Variants in DEF6 observed in about 807,000 individuals in gnomAD.
DEF6 encodes DEF6 guanine nucleotide exchange factor, also known as differentially expressed in FDCP 6 homolog.
In DEF6, 32 loss-of-function variants were observed where a neutral mutation model predicts 80.5. The ratio of observed to expected loss-of-function variants is 0.40; its 90% CI spans 0.30 to 0.53. The LOEUF is 0.53. Ranked by LOEUF, DEF6 falls within the 20% of genes least tolerant of loss-of-function variation. DEF6 has a pLI of 0.57. For synonymous variants in DEF6, 300 were observed against 337.9 expected (o/e 0.89, Z 1.23); for missense variants, 575 against 818.7 (o/e 0.70, Z 3.63).
At chr6:35,307,011 G>A (rs1006575397) in intron 1 of DEF6, among the ~76,000 whole-genome samples, 3 of 152,230 alleles carry the variant, frequency 2.0e-5, no homozygotes, top group African/African-American at 7.2e-5. Flanking sequence ...TACTGGAAGA[G>A]CCTCAGTTTG....
At chr6:35,317,724 T>G in intron 5 of DEF6, 167 bp from the exon 6 acceptor site, 1 of 546,232 alleles carries the variant, frequency 1.8e-6, no homozygotes, top group African/African-American at 1.9e-5. Flanking sequence ...TTGTGGGGAC[T>G]TAAGTCCCCC....
chr6:35,314,265 G>A (rs1043536947), intron 5 of DEF6, among the ~76,000 whole-genome samples: 2 of 151,938 alleles, frequency 1.3e-5, no homozygotes, highest in African/African-American at 2.4e-5. Context: ...AAAATCAGCC[G>A]GGCATGGTGG....
intron 10 of DEF6, 57 bp downstream of exon 10, chr6:35,321,031 G>A: frequency 6.3e-7 from 1 of 1,596,340 alleles, no homozygotes; most frequent in Middle Eastern, 1.8e-4. Flanking sequence ...AAAGGAGGGA[G>A]AAAGGTCTCC....
At chr6:35,299,370 T>C (rs533327936) in intron 1 of DEF6, among the ~76,000 whole-genome samples, 3 of 145,724 alleles carry the variant, frequency 2.1e-5, no homozygotes, top group African/African-American at 7.4e-5. Context: ...TGCCAGACAA[T>C]ACCAGCCCCC....
At chr6:35,304,268 C>T (rs888647886) in intron 1 of DEF6, among the ~76,000 whole-genome samples, 1 of 152,210 alleles carries the variant, frequency 6.6e-6, no homozygotes, top group African/African-American at 2.4e-5. Flanking sequence ...CTGCAGTGAG[C>T]TGTGATTGTG....
At chr6:35,321,041 C>T (rs1168529233) in intron 10 of DEF6, 67 bp downstream of exon 10, 11 of 1,582,998 alleles carry the variant, frequency 6.9e-6, no homozygotes, top group Non-Finnish European at 7.8e-6. Context: ...GAAAGGTCTC[C>T]CTGGGAGACC....
At position 35,319,576 on chromosome 6, in the gene DEF6, G is replaced by C; in HGVS notation, c.1268G>C (p.Arg423Pro). Residue 423 changes from arginine (R) to proline (P), a missense_variant, in exon 8 of 11, where the codon CGG (arginine) becomes CCG (proline). By Grantham distance (103) the Arg-to-Pro change is moderately radical. Coordinates refer to ENST00000316637, the MANE Select transcript of DEF6 (RefSeq NM_022047.4). This position sits in a 1 kb window ranked among gnomAD's most constrained non-coding sequence, Gnocchi z 4.5. Reference sequence around the variant, plus strand: ...GAGCTGAAGGAGGAGGAGGCTGCCCGGCAGCGGCAGCGCATCAAGGAGCTG... The same window carrying C: ...GAGCTGAAGGAGGAGGAGGCTGCCCCGCAGCGGCAGCGCATCAAGGAGCTG... ...EMELKEEEAARQRQRIKELEE... is the reference protein window; with the variant it reads ...EMELKEEEAAPQRQRIKELEE... The C allele has an allele frequency of 6.2e-7, 1 of 1,613,686 alleles. No individual in the cohort carries two copies. The highest frequency in any genetic ancestry group is 8.5e-7 in the Non-Finnish European group (1 of 1,179,860).
At chr6:35,300,887 A>T (rs1791305375) in intron 1 of DEF6, among the ~76,000 whole-genome samples, 1 of 152,168 alleles carries the variant, frequency 6.6e-6, no homozygotes, top group Non-Finnish European at 1.5e-5. Flanking sequence ...TTTTAGAACT[A>T]GTGGAGGATC....
At position 35,321,203 on chromosome 6, in the gene DEF6, C is replaced by T; in HGVS notation, c.1689C>T (p.Thr563=). 6.2e-7 allele frequency: 1 copy of T among 1,612,640 alleles called. No individual in the cohort carries two copies. Among genetic ancestry groups the T allele is most frequent in the Non-Finnish European group, 8.5e-7 (1 of 1,179,966 alleles). ...PIEPGDKRPV[T]SSSFSGFQPP... ...CTCTGCCAGATAAGCGTCCGGTCACCAGCAGCTCCTTCTCAGGCTTCCAGC... is the reference window on the plus strand; with the variant it reads ...CTCTGCCAGATAAGCGTCCGGTCACTAGCAGCTCCTTCTCAGGCTTCCAGC... Residue 563 remains threonine, a synonymous_variant, in exon 11 of 11, where the codon ACC becomes ACT. Coordinates refer to ENST00000316637, the MANE Select transcript of DEF6 (RefSeq NM_022047.4).
chr6:35,307,723 G>A lies in DEF6; in HGVS notation c.97-1947G>A, dbSNP rs552385579. On this transcript the variant is annotated intron_variant, in intron 1 of 10. Transcript: ENST00000316637. Reference sequence around the variant, plus strand: ...GGGATAACTGCCCAGAGGGAAATGAGGGAAAAAAAGGAAATACTCCCTTCC... The same window carrying A: ...GGGATAACTGCCCAGAGGGAAATGAAGGAAAAAAAGGAAATACTCCCTTCC... 9.0e-4 allele frequency among the ~76,000 whole-genome samples: 137 copies of A among 152,122 alleles called. 2 individuals carry two copies. In the Middle Eastern group the frequency reaches 0.01, roughly 11 times the overall value.
At chr6:35,298,419 A>G (rs1791270065) in intron 1 of DEF6, among the ~76,000 whole-genome samples, 1 of 152,216 alleles carries the variant, frequency 6.6e-6, no homozygotes, top group Non-Finnish European at 1.5e-5. Flanking sequence ...GGCCGCCCCC[A>G]GTCCCAAACC....
chr6:35,309,672 G>A lies in DEF6; in HGVS notation c.99G>A (p.Val33=), dbSNP rs1237074495. The change falls in exon 2 of 11, where the codon GTG becomes GTA. Residue 33 remains valine (V), a splice_region_variant and synonymous_variant. Transcript: ENST00000316637. Reference sequence around the variant, plus strand: ...ACTGCCACTCTACTCTATCCCAGGTGCTGTCCCACAACCTGTACACGGTCC... The same window carrying A: ...ACTGCCACTCTACTCTATCCCAGGTACTGTCCCACAACCTGTACACGGTCC... ...SGKVSKSQLK[V]LSHNLYTVLH... The A allele has an allele frequency of 9.9e-6, 16 of 1,613,752 alleles. No individual in the cohort carries two copies. Among genetic ancestry groups the A allele is most frequent in the Non-Finnish European group, 1.4e-5 (16 of 1,179,848 alleles).
At chr6:35,315,275 A>G (rs1791511896) in intron 5 of DEF6, among the ~76,000 whole-genome samples, 1 of 152,076 alleles carries the variant, frequency 6.6e-6, no homozygotes. Context: ...CTGCAGCCTC[A>G]GTCTCCTTGG....
At chr6:35,310,711 G>T in intron 3 of DEF6, 67 bp downstream of exon 3, 1 of 1,551,616 alleles carries the variant, frequency 6.4e-7, no homozygotes, top group South Asian at 1.1e-5. Context: ...CCATGAATGA[G>T]ACCAAACCAC....
chr6:35,318,542 G>A lies in DEF6; in HGVS notation c.1215+71G>A. 7.5e-7 allele frequency: 1 copy of A among 1,328,848 alleles called. No homozygotes were observed. The highest frequency in any genetic ancestry group is 2.8e-4 in the Middle Eastern group (1 of 3,584). 82.3% of individuals were successfully genotyped at this position (1,328,848 alleles called of 1,614,324 possible). ...GGCTGGCCAGGGGCGGAGCGCCGGG[G>A]GCGGGGCCTGGGCAGAGGGCGGAGC... On this transcript the variant is annotated intron_variant, in intron 7 of 10. Coordinates refer to ENST00000316637, the MANE Select transcript of DEF6 (RefSeq NM_022047.4). The surrounding 1 kb of genome is among the most constrained non-coding windows in gnomAD (Gnocchi z 5.1).
Position 35,318,244 on chromosome 6 carries a change from C to T in DEF6, c.988C>T (p.Arg330Cys). The T allele has an allele frequency of 6.3e-7, 1 of 1,591,946 alleles. No homozygotes were observed. The highest frequency in any genetic ancestry group is 8.5e-7 in the Non-Finnish European group (1 of 1,170,356). ...SLHKDLKQKR[R>C]EQREQRERRR... ...ACACAAGGACCTGAAGCAGAAACGG[C>T]GCGAGCAGCGGGAGCAGCGGGAGCG... The change falls in exon 7 of 11, where the codon CGC (arginine) becomes TGC (cysteine). Residue 330 changes from arginine to cysteine, a missense_variant. Coordinates refer to ENST00000316637, the MANE Select transcript of DEF6 (RefSeq NM_022047.4). The surrounding 1 kb of genome is among the most constrained non-coding windows in gnomAD (Gnocchi z 5.1).
chr6:35,304,599 G>C (rs570819630), intron 1 of DEF6, among the ~76,000 whole-genome samples: 2 of 152,316 alleles, frequency 1.3e-5, no homozygotes, highest in African/African-American at 4.8e-5. Flanking sequence ...CATGGGGCCT[G>C]GAGGCCTGTG....
chr6:35,320,895 A>T lies in DEF6; in HGVS notation c.1593A>T (p.Arg531Ser). 1 of 1,608,836 alleles carries T rather than the reference A, an allele frequency of 6.2e-7. No individual in the cohort carries two copies. Among genetic ancestry groups the T allele is most frequent in the Non-Finnish European group, 8.5e-7 (1 of 1,177,032 alleles). The change falls in exon 10 of 11, where the codon AGA (arginine) becomes AGT (serine). Residue 531 changes from arginine (R) to serine (S), a missense_variant. By Grantham distance (110) the Arg-to-Ser change is moderately radical. Coordinates refer to ENST00000316637, the MANE Select transcript of DEF6 (RefSeq NM_022047.4). ...RADEDVEAAQ[R>S]KLRQASTNVK... is the part of the protein sequence containing the mutation. ...CCCTGTCCCCACAGGCTGCCCAGAG[A>T]AAACTGCGCCAGGCCAGCACCAACG... is the stretch of plus-strand genomic sequence containing the variant.
intron 5 of DEF6, among the ~76,000 whole-genome samples, chr6:35,317,307 G>A (rs967305993): frequency 6.6e-6 from 1 of 152,228 alleles, no homozygotes; most frequent in Non-Finnish European, 1.5e-5. Flanking sequence ...TCTGTAAAGT[G>A]GAGCTAATAA....
Sources: allele counts gnomAD v4.1 joint callset (sites outside exome capture counted in the v4.1 genomes callset), GRCh38; gene constraint gnomAD v4.1.1; non-coding constraint Gnocchi (gnomAD v3.1); transcripts MANE v1.5; gene names NCBI Gene and HGNC (gene_info 2026-07-23, HGNC 2026-07-21).